Variants in TSPAN5 observed in about 807,000 individuals in gnomAD.
TSPAN5 encodes the protein tetraspanin-5.
TSPAN5 carries 10 observed loss-of-function variants against 37.1 expected under a neutral mutation model. The observed-to-expected ratio is 0.27, with a 90% CI of 0.17 to 0.46. The LOEUF (loss-of-function observed/expected upper bound fraction) is 0.46. TSPAN5 is among the 20% of genes least tolerant of loss of function. The pLI, the probability that TSPAN5 is intolerant of heterozygous loss-of-function variation, is 1.00. For missense variants in TSPAN5, 195 were observed against 326.6 expected (o/e 0.60, Z 3.11); for synonymous variants, 110 against 118.9 (o/e 0.93, Z 0.48).
rs147038916 is a variant in TSPAN5, at chr4:98,511,379, G to A, written c.82-3651C>T. Among the ~76,000 whole-genome samples the A allele has an allele frequency of 5.0e-3, 759 of 152,256 alleles. 5 individuals are homozygous for A. The highest frequency in any genetic ancestry group is 0.018 in the African/African-American group (732 of 41,536). ...GATGGTACAGCCTATGACGCACCTA[G>A]GCTATATGGTATAGCCTATTGCTCC... On this transcript the variant is annotated intron_variant, in intron 1 of 7. Coordinates refer to ENST00000305798, the MANE Select transcript of TSPAN5 (RefSeq NM_005723.4).
chr4:98,613,960 G>A (rs868047368), intron 1 of TSPAN5, among the ~76,000 whole-genome samples: 11 of 151,872 alleles, frequency 7.2e-5, no homozygotes, highest in African/African-American at 7.3e-5. Flanking sequence ...TTATCTAGCC[G>A]GCTAAATGGT....
chr4:98,495,818 GCTT>G (rs1043405959), intron 2 of TSPAN5, among the ~76,000 whole-genome samples: 15 of 151,802 alleles, frequency 9.9e-5, no homozygotes, highest in Non-Finnish European at 5.9e-5. Context: ...CACCTGGCAA[GCTT>G]CTTCTCGCAA....
chr4:98,480,349 G>A (rs768126132), intron 4 of TSPAN5, among the ~76,000 whole-genome samples: 2 of 152,110 alleles, frequency 1.3e-5, no homozygotes, highest in Admixed American at 6.6e-5. Context: ...CTCTGAGTTT[G>A]TTTAAAAACA....
chr4:98,519,511 A>G (rs1753808536), intron 1 of TSPAN5, among the ~76,000 whole-genome samples: 1 of 152,072 alleles, frequency 6.6e-6, no homozygotes, highest in Non-Finnish European at 1.5e-5. Flanking sequence ...AAAGGAAAGG[A>G]AAAACAAGAG....
At chr4:98,487,151 A>AG (rs1156409050) in intron 2 of TSPAN5, among the ~76,000 whole-genome samples, 2 of 29,310 alleles carry the variant, frequency 6.8e-5, no homozygotes, top group African/African-American at 1.3e-4. Flanking sequence ...GAAGGGAGGG[A>AG]GGGGGGGATG....
At chr4:98,516,493 C>A (rs1368064783) in intron 1 of TSPAN5, among the ~76,000 whole-genome samples, 1 of 152,182 alleles carries the variant, frequency 6.6e-6, no homozygotes, top group Non-Finnish European at 1.5e-5. Context: ...CCATGCAATC[C>A]CCTGGGCTCC....
chr4:98,591,128 T>C (rs1755624884), intron 1 of TSPAN5, among the ~76,000 whole-genome samples: 1 of 151,414 alleles, frequency 6.6e-6, no homozygotes, highest in East Asian at 1.9e-4. Context: ...ACATATTTTT[T>C]TTAGGTAGGA....
intron 1 of TSPAN5, chr4:98,560,034 A>C (rs968842552): frequency 2.6e-5 from 4 of 152,218 alleles, no homozygotes; most frequent in African/African-American, 4.8e-5. Context: ...CAACATCTTA[A>C]AGTGGAAAAT....
At chr4:98,627,278 C>T (rs1477061507) in intron 1 of TSPAN5, among the ~76,000 whole-genome samples, 1 of 152,056 alleles carries the variant, frequency 6.6e-6, no homozygotes, top group Non-Finnish European at 1.5e-5. Context: ...TGATCCTGAA[C>T]CGGATCCTTT....
chr4:98,479,947 T>A (rs990526094), intron 4 of TSPAN5, among the ~76,000 whole-genome samples: 44 of 152,280 alleles, frequency 2.9e-4, no homozygotes, highest in Admixed American at 2.9e-3. Context: ...CATAATCAAA[T>A]GACCTAAATC....
chr4:98,542,957 G>A (rs2110143660), intron 1 of TSPAN5, among the ~76,000 whole-genome samples: 1 of 152,220 alleles, frequency 6.6e-6, no homozygotes, highest in Non-Finnish European at 1.5e-5. Context: ...TCAGTCAGAG[G>A]ACACTTAGAC....
intron 1 of TSPAN5, among the ~76,000 whole-genome samples, chr4:98,515,218 A>G (rs561272671): frequency 6.6e-6 from 1 of 152,228 alleles, no homozygotes; most frequent in African/African-American, 2.4e-5. Flanking sequence ...CTCCTGAGAC[A>G]AAGAATCACT....
Position 98,472,487 on chromosome 4 carries a change from C to G in TSPAN5, c.*35G>C, listed in dbSNP as rs1752610603. ...CGCGGGAGGGTCCCGAAAGCTGGGT[C>G]TGTCCAGTGTCTTGCAGCAGCGGTT... On this transcript the variant is annotated 3_prime_UTR_variant, in exon 8 of 8. Transcript: ENST00000305798. 1 of 1,607,558 alleles carries G rather than the reference C, an allele frequency of 6.2e-7. No individual in the cohort carries two copies. Among genetic ancestry groups the G allele is most frequent in the Admixed American group, 1.7e-5 (1 of 59,668 alleles).
At chr4:98,523,533 CA>C (rs923830831) in intron 1 of TSPAN5, among the ~76,000 whole-genome samples, 1 of 152,082 alleles carries the variant, frequency 6.6e-6, no homozygotes, top group Non-Finnish European at 1.5e-5. Context: ...CTCCCGGGTT[CA>C]AGTGATTCTT....
chr4:98,545,850 T>A (rs6831464), intron 1 of TSPAN5, among the ~76,000 whole-genome samples: 1 of 151,936 alleles, frequency 6.6e-6, no homozygotes, highest in Non-Finnish European at 1.5e-5. Context: ...CTTAATAGGC[T>A]CAACATAAGT....
intron 1 of TSPAN5, among the ~76,000 whole-genome samples, chr4:98,545,936 T>C (rs1390280964): frequency 2.0e-5 from 3 of 152,228 alleles, no homozygotes; most frequent in Non-Finnish European, 4.4e-5. Flanking sequence ...TTAATAATGT[T>C]AATAGCAAAC....
intron 1 of TSPAN5, among the ~76,000 whole-genome samples, chr4:98,527,613 A>C (rs1310905789): frequency 6.6e-6 from 1 of 152,262 alleles, no homozygotes; most frequent in Non-Finnish European, 1.5e-5. Flanking sequence ...AGAAATGCTA[A>C]CATAAAAGAA....
intron 1 of TSPAN5, among the ~76,000 whole-genome samples, chr4:98,528,564 T>A (rs1754013208): frequency 6.6e-6 from 1 of 152,058 alleles, no homozygotes. Context: ...CAGCAAAAAA[T>A]CTAGAGGACA....
chr4:98,657,875 A>T (rs537067572), intron 1 of TSPAN5, among the ~76,000 whole-genome samples: 1 of 151,230 alleles, frequency 6.6e-6, no homozygotes, highest in South Asian at 2.1e-4. Flanking sequence ...TTTTATCTGC[A>T]TCCCTGCTAT....
Sources: allele counts gnomAD v4.1 joint callset (sites outside exome capture counted in the v4.1 genomes callset), GRCh38; gene constraint gnomAD v4.1.1; transcripts MANE v1.5; gene names NCBI Gene and HGNC (gene_info 2026-07-23, HGNC 2026-07-21).